CTNNA2: variants seen among roughly 807,000 people sequenced by gnomAD.
The protein encoded by CTNNA2 is catenin alpha 2.
In CTNNA2, 42 loss-of-function variants were observed where a neutral mutation model predicts 101.0. The observed-to-expected ratio is 0.42, with a 90% CI of 0.32 to 0.54. The LOEUF is 0.54. Among genes scored for constraint, CTNNA2 ranks in the 20% least tolerant of loss-of-function variants. The pLI is 0.14. For missense variants in CTNNA2, 871 were observed against 1,223.1 expected, an observed-to-expected ratio of 0.71 and a Z score of 4.29; for synonymous variants, 450 against 456.4, an observed-to-expected ratio of 0.99 and a Z score of 0.18.
At chr2:79,296,056 G>A (rs1367576616) in intron 2 of CTNNA2, among the ~76,000 whole-genome samples, 2 of 151,922 alleles carry the variant, frequency 1.3e-5, no homozygotes, top group African/African-American at 2.4e-5. Flanking sequence ...CTTATAAATA[G>A]TAAATAGTAG....
Position 79,814,551 on chromosome 2 carries a change from A to C in CTNNA2, c.299-43462A>C, listed in dbSNP as rs376666442. On this transcript the variant is annotated intron_variant, in intron 3 of 18. Coordinates refer to ENST00000402739, the MANE Select transcript of CTNNA2 (RefSeq NM_001282597.3). Reference sequence around the variant, plus strand: ...TCCAATTTCTTCCAGCTCACTGCAAATGCCATTAATTCATTCCTTTTCATG... The same window carrying C: ...TCCAATTTCTTCCAGCTCACTGCAACTGCCATTAATTCATTCCTTTTCATG... 8.6e-5 allele frequency among the ~76,000 whole-genome samples: 13 copies of C among 151,900 alleles called. No individual in the cohort carries two copies. The East Asian group carries it at 1.2e-3, about 14-fold the overall frequency.
At chr2:79,744,888 C>G (rs1397591232) in intron 3 of CTNNA2, among the ~76,000 whole-genome samples, 3 of 152,086 alleles carry the variant, frequency 2.0e-5, no homozygotes, top group Non-Finnish European at 2.9e-5. Flanking sequence ...ATGGGAAGAC[C>G]TAACGTTTAT....
At chr2:79,967,580 C>T (rs1460828137) in intron 7 of CTNNA2, among the ~76,000 whole-genome samples, 1 of 152,158 alleles carries the variant, frequency 6.6e-6, no homozygotes, top group Non-Finnish European at 1.5e-5. Flanking sequence ...CGAATAAAAT[C>T]CTAATGCCTT....
chr2:79,372,687 C>T (rs1320011577), intron 3 of CTNNA2, among the ~76,000 whole-genome samples: 1 of 152,126 alleles, frequency 6.6e-6, no homozygotes, highest in African/African-American at 2.4e-5. Context: ...TGAATCAATA[C>T]CTCCCCAGAA....
chr2:80,420,034 GAAAAAAAAAA>G (rs527701227), intron 9 of CTNNA2, among the ~76,000 whole-genome samples: 146 of 37,550 alleles, frequency 3.9e-3, no homozygotes, highest in African/African-American at 9.7e-3. Context: ...GGGAACTTGT[GAAAAAAAAAA>G]AAAAAAAAAA....
rs766458643 is a variant in CTNNA2, at chr2:80,555,834, A to C, written c.1682A>C (p.Tyr561Ser). The C allele has an allele frequency of 1.3e-6, 2 of 1,594,912 alleles. No individual in the cohort carries two copies. The highest frequency in any genetic ancestry group is 1.7e-6 in the Non-Finnish European group (2 of 1,171,332). ...ATCATCAATGCTGAGATGGAGAACT[A>C]TGAAGCTGGGGTTTATACTGAGAAG... ...IHIINAEMEN[Y>S]EAGVYTEKVL... The change falls in exon 12 of 19, where the codon TAT (tyrosine) becomes TCT (serine). Residue 561 changes from tyrosine to serine, a missense_variant. Tyr to Ser is a moderately radical substitution (Grantham distance 144, BLOSUM62 -2). Coordinates refer to ENST00000402739, the MANE Select transcript of CTNNA2 (RefSeq NM_001282597.3).
At chr2:79,525,613 A>G (rs192627491) in intron 1 of CTNNA2, among the ~76,000 whole-genome samples, 11 of 152,126 alleles carry the variant, frequency 7.2e-5, no homozygotes, top group Non-Finnish European at 1.5e-4. Context: ...AAAAACCACA[A>G]TTACTTTTGT....
At chr2:80,273,999 A>G (rs1347478196) in intron 7 of CTNNA2, among the ~76,000 whole-genome samples, 2 of 152,194 alleles carry the variant, frequency 1.3e-5, no homozygotes, top group African/African-American at 4.8e-5. Context: ...TGCCTGGCAC[A>G]TGGAAAGTGC....
intron 4 of CTNNA2, among the ~76,000 whole-genome samples, chr2:79,859,148 T>A (rs2103956264): frequency 6.6e-6 from 1 of 152,202 alleles, no homozygotes; most frequent in Middle Eastern, 3.4e-3. Context: ...AACCACATTT[T>A]CCTTTTTGGA....
rs549909477 is a variant in CTNNA2 at position 80,036,674 on chromosome 2, C to A, written c.1056+126877C>A. On this transcript the variant is annotated intron_variant, in intron 7 of 18. Transcript: ENST00000402739. The stretch of plus-strand genomic sequence containing the variant: ...AAGGAGATAAACATGAGCTGGGAGA[C>A]TATGTTGACAGCAGGGAGCTTCTCA... Among the ~76,000 whole-genome samples, 18 of 152,176 alleles carry A rather than the reference C, an allele frequency of 1.2e-4. No homozygotes were observed. In the East Asian group the frequency reaches 3.5e-3, roughly 29 times the overall value.
intron 1 of CTNNA2, among the ~76,000 whole-genome samples, chr2:79,566,690 T>G (rs141779839): frequency 1.3e-3 from 205 of 152,186 alleles, no homozygotes; most frequent in Middle Eastern, 3.4e-3. Flanking sequence ...GATGAAAAAA[T>G]GTAACTGGAA....
At chr2:79,745,620 T>A (rs1296775659) in intron 3 of CTNNA2, among the ~76,000 whole-genome samples, 6 of 152,092 alleles carry the variant, frequency 3.9e-5, no homozygotes, top group African/African-American at 1.4e-4. Context: ...CAATCACCAT[T>A]CTACTTTCTT....
At chr2:79,842,416 T>C (rs1679892557) in intron 3 of CTNNA2, among the ~76,000 whole-genome samples, 1 of 152,138 alleles carries the variant, frequency 6.6e-6, no homozygotes, top group African/African-American at 2.4e-5. Flanking sequence ...CTTAGAACAG[T>C]ATCTGGAACA....
intron 7 of CTNNA2, among the ~76,000 whole-genome samples, chr2:80,306,400 T>TTTTCTTTTCCTTTCTTTC (rs1491389570): frequency 4.6e-5 from 5 of 109,200 alleles, no homozygotes; most frequent in East Asian, 2.7e-4. Context: ...TTTTCTTTTC[T>TTTTCTTTTCCTTTCTTTC]TTTCTTTCTT....
chr2:79,474,329 G>C (rs887227862), intron 4 of CTNNA2, among the ~76,000 whole-genome samples: 1 of 152,070 alleles, frequency 6.6e-6, no homozygotes, highest in Non-Finnish European at 1.5e-5. Flanking sequence ...ACAAAGGAAT[G>C]AACTATTGAC....
At chr2:79,442,801 G>A (rs767408326) in intron 4 of CTNNA2, among the ~76,000 whole-genome samples, 2 of 152,082 alleles carry the variant, frequency 1.3e-5, no homozygotes, top group African/African-American at 2.4e-5. Flanking sequence ...TTTGTATGAG[G>A]CGTATTGTGG....
chr2:79,860,549 T>TTTTTTTTTTTG (rs1256706114), intron 4 of CTNNA2, among the ~76,000 whole-genome samples: 3,073 of 148,354 alleles, frequency 0.021, 79 homozygotes, highest in South Asian at 0.048. Context: ...AAGGGAAGTT[T>TTTTTTTTTTTG]TTTTTTTTTT....
chr2:79,731,909 C>T (rs550317477), intron 2 of CTNNA2, among the ~76,000 whole-genome samples: 1 of 151,488 alleles, frequency 6.6e-6, no homozygotes, highest in African/African-American at 2.4e-5. Context: ...CAGAGTTTCT[C>T]AGTTAGCAGA....
intron 4 of CTNNA2, among the ~76,000 whole-genome samples, chr2:79,464,670 G>A (rs3961796): frequency 0.34 from 51,584 of 151,802 alleles, 8,926 homozygotes; most frequent in South Asian, 0.48. Flanking sequence ...TTTAATGATC[G>A]CCATTCTAAC....
Sources: allele counts gnomAD v4.1 joint callset (sites outside exome capture counted in the v4.1 genomes callset), GRCh38; gene constraint gnomAD v4.1.1; transcripts MANE v1.5; gene names NCBI Gene and HGNC (gene_info 2026-07-23, HGNC 2026-07-21).